The following HEMK2 variants were observed in gnomAD, a reference collection of about 807,000 sequenced individuals.
The protein encoded by HEMK2 is methyltransferase HEMK2.
At chr21:28,585,754 G>A in the HEMK2 span, among the ~76,000 whole-genome samples, 1 of 152,088 alleles carries the variant, frequency 6.6e-6, no homozygotes, top group South Asian at 2.1e-4. Context: ...CTGAGCTCTA[G>A]AAGTAAATTA....
chr21:28,649,990 G>A, the HEMK2 span, among the ~76,000 whole-genome samples: 1 of 152,186 alleles, frequency 6.6e-6, no homozygotes, highest in African/African-American at 2.4e-5. Flanking sequence ...AGGCTATAAA[G>A]AACATCTGAA....
At chr21:28,796,286 C>G in the HEMK2 span, among the ~76,000 whole-genome samples, 1 of 151,728 alleles carries the variant, frequency 6.6e-6, no homozygotes, top group South Asian at 2.1e-4. Flanking sequence ...TTTATAGGTG[C>G]CTGCCACTAC....
At chr21:28,769,300 C>T in the HEMK2 span, among the ~76,000 whole-genome samples, 3 of 151,994 alleles carry the variant, frequency 2.0e-5, no homozygotes, top group South Asian at 2.1e-4. Flanking sequence ...AAAATTTGTG[C>T]GCTGGGCTGT....
At chr21:28,731,759 T>TA in the HEMK2 span, among the ~76,000 whole-genome samples, 1,066 of 141,214 alleles carry the variant, frequency 7.5e-3, 11 homozygotes, top group Middle Eastern at 0.032. Flanking sequence ...AGTATAATAA[T>TA]AAAAAAAAAA....
At chr21:28,735,841 T>G in the HEMK2 span, among the ~76,000 whole-genome samples, 4 of 152,216 alleles carry the variant, frequency 2.6e-5, no homozygotes, top group Admixed American at 6.5e-5. Flanking sequence ...CATAACATAA[T>G]GACAAGAGTA....
At chr21:28,742,094 C>A in the HEMK2 span, among the ~76,000 whole-genome samples, 1 of 152,138 alleles carries the variant, frequency 6.6e-6, no homozygotes, top group African/African-American at 2.4e-5. Flanking sequence ...ATTGTTGGAA[C>A]ACAGCCATGC....
the HEMK2 span, among the ~76,000 whole-genome samples, chr21:28,643,888 G>T: frequency 6.6e-6 from 1 of 152,340 alleles, no homozygotes; most frequent in Non-Finnish European, 1.5e-5. Context: ...GCAGTGTCCT[G>T]CCATCTTGTG....
At chr21:28,860,794 G>C in the HEMK2 span, among the ~76,000 whole-genome samples, 2 of 152,156 alleles carry the variant, frequency 1.3e-5, no homozygotes, top group Non-Finnish European at 2.9e-5. Context: ...ACATGGAGTT[G>C]GATCAGGCTG....
the HEMK2 span, among the ~76,000 whole-genome samples, chr21:28,634,925 A>G: frequency 6.6e-6 from 1 of 152,132 alleles, no homozygotes; most frequent in Admixed American, 6.6e-5. Flanking sequence ...TCTTTAACTC[A>G]GAGTTAAAGC....
chr21:28,688,157 G>A, the HEMK2 span, among the ~76,000 whole-genome samples: 29 of 152,154 alleles, frequency 1.9e-4, no homozygotes, highest in Non-Finnish European at 3.4e-4. Flanking sequence ...TCAAATGAAG[G>A]AAACCTCTCT....
the HEMK2 span, among the ~76,000 whole-genome samples, chr21:28,704,314 C>T: frequency 6.6e-6 from 1 of 152,134 alleles, no homozygotes; most frequent in Admixed American, 6.5e-5. Flanking sequence ...ATGCACTGCT[C>T]AAGCAATTAA....
the HEMK2 span, among the ~76,000 whole-genome samples, chr21:28,660,488 T>A: frequency 2.0e-5 from 3 of 151,426 alleles, no homozygotes; most frequent in African/African-American, 7.2e-5. Flanking sequence ...GAATTTTTAA[T>A]CATAAATTTT....
the HEMK2 span, among the ~76,000 whole-genome samples, chr21:28,750,705 A>AAG: frequency 2.7e-3 from 409 of 151,270 alleles, 5 homozygotes; most frequent in African/African-American, 9.5e-3. Flanking sequence ...CATCTCAAAA[A>AAG]AAAAAAAAAA....
chr21:28,606,149 T>C, the HEMK2 span, among the ~76,000 whole-genome samples: 1 of 152,078 alleles, frequency 6.6e-6, no homozygotes, highest in Non-Finnish European at 1.5e-5. Context: ...GTTGTAACAG[T>C]ATAGAGAGAT....
chr21:28,798,591 T>A, the HEMK2 span, among the ~76,000 whole-genome samples: 1 of 152,166 alleles, frequency 6.6e-6, no homozygotes, highest in Non-Finnish European at 1.5e-5. Context: ...AAGGGATGTG[T>A]GGCCACTCAT....
the HEMK2 span, among the ~76,000 whole-genome samples, chr21:28,715,262 T>C: frequency 3.9e-5 from 6 of 152,318 alleles, no homozygotes; most frequent in African/African-American, 1.4e-4. Context: ...ACCAGCAGTG[T>C]GTAAGCATTC....
At chr21:28,656,328 C>G in the HEMK2 span, among the ~76,000 whole-genome samples, 185 of 152,144 alleles carry the variant, frequency 1.2e-3, 2 homozygotes, top group Non-Finnish European at 2.0e-3. Flanking sequence ...CCACTAACGG[C>G]TTGTGGAGAG....
the HEMK2 span, among the ~76,000 whole-genome samples, chr21:28,618,347 C>T: frequency 6.6e-6 from 1 of 152,078 alleles, no homozygotes; most frequent in South Asian, 2.1e-4. Flanking sequence ...CTTGAACTTA[C>T]AAAAGGAATT....
At chr21:28,695,785 TCTTA>T in the HEMK2 span, among the ~76,000 whole-genome samples, 83,073 of 149,568 alleles carry the variant, frequency 0.56, 25,594 homozygotes, top group East Asian at 0.84. Context: ...CCAAAGTAAG[TCTTA>T]CTTAACTCAT....
Sources: allele counts gnomAD v4.1 joint callset (sites outside exome capture counted in the v4.1 genomes callset), GRCh38; gene constraint gnomAD v4.1.1; transcripts MANE v1.5; gene names NCBI Gene and HGNC (gene_info 2026-07-23, HGNC 2026-07-21).